NDUFA12: variants seen among roughly 807,000 people sequenced by gnomAD.
NDUFA12 encodes the protein NADH:ubiquinone oxidoreductase subunit A12.
NDUFA12 carries 17 observed loss-of-function variants against 20.3 expected under a neutral mutation model. That is an observed-to-expected ratio of 0.84 (90% CI 0.57 to 1.26). The LOEUF (loss-of-function observed/expected upper bound fraction) is 1.26, where lower values mean the gene tolerates loss of function less well. Among genes scored for constraint, NDUFA12 ranks in the 50% most tolerant of loss-of-function variants. The probability of loss-of-function intolerance (pLI) is 0.00; values close to 1 mark genes in which losing one functional copy is unlikely to be tolerated. For synonymous variants in NDUFA12, 72 were observed against 63.6 expected (o/e 1.13, Z -0.63); for missense variants, 191 against 183.7 (o/e 1.04, Z -0.23).
chr12:94,996,147 G>A (rs564979614), intron 2 of NDUFA12, among the ~76,000 whole-genome samples: 24 of 151,924 alleles, frequency 1.6e-4, no homozygotes, highest in African/African-American at 5.5e-4. Context: ...GGCAGAGGTT[G>A]CAGTGAGCCG....
At chr12:94,997,802 A>G (rs947733382) in intron 2 of NDUFA12, among the ~76,000 whole-genome samples, 1 of 136,196 alleles carries the variant, frequency 7.3e-6, no homozygotes, top group Non-Finnish European at 1.7e-5. Context: ...GGTAAGGGAT[A>G]CTCAAACTGT....
chr12:94,975,205 A>G lies in NDUFA12; in HGVS notation c.258-3585T>C, dbSNP rs146999316. The stretch of plus-strand genomic sequence containing the variant: ...GTGTATGTCCTAAAACACTATAAAC[A>G]GGATTAAAGACTAAAAGAAACAGGG... On this transcript the variant is annotated intron_variant, in intron 3 of 3. Transcript: ENST00000327772. Among the ~76,000 whole-genome samples, 785 of 152,318 alleles carry G rather than the reference A, an allele frequency of 5.2e-3. 5 individuals are homozygous for G. The highest frequency in any genetic ancestry group is 0.017 in the African/African-American group (704 of 41,570).
chr12:94,995,716 TAGA>T (rs745823030), intron 2 of NDUFA12, among the ~76,000 whole-genome samples: 4 of 151,958 alleles, frequency 2.6e-5, no homozygotes, highest in African/African-American at 7.3e-5. Flanking sequence ...GTATTTTTAG[TAGA>T]GATCAGGCCA....
At chr12:94,972,782 A>C (rs11107829) in intron 3 of NDUFA12, among the ~76,000 whole-genome samples, 12,198 of 152,258 alleles carry the variant, frequency 0.08, 561 homozygotes, top group East Asian at 0.16. Flanking sequence ...TCCAGAAATC[A>C]GACCTAAAAG....
intron 2 of NDUFA12, among the ~76,000 whole-genome samples, chr12:94,994,625 C>A (rs538892201): frequency 1.1e-4 from 16 of 152,284 alleles, no homozygotes; most frequent in Admixed American, 3.3e-4. Context: ...CCTCTTGAGA[C>A]TGGGGAAAAA....
chr12:94,989,431 C>T (rs1362760964), intron 3 of NDUFA12, among the ~76,000 whole-genome samples: 2 of 152,140 alleles, frequency 1.3e-5, no homozygotes, highest in Non-Finnish European at 2.9e-5. Flanking sequence ...TATATCAACC[C>T]AACATCAAAT....
At chr12:94,994,399 G>A in intron 2 of NDUFA12, 142 bp from the exon 3 acceptor site, 1 of 646,280 alleles carries the variant, frequency 1.5e-6, no homozygotes, top group Non-Finnish European at 2.6e-6. Context: ...ATAACACCCT[G>A]GGTGAATTCG....
intron 2 of NDUFA12, among the ~76,000 whole-genome samples, chr12:94,996,156 C>A (rs1489882615): frequency 6.6e-6 from 1 of 151,018 alleles, no homozygotes; most frequent in South Asian, 2.1e-4. Context: ...TGCAGTGAGC[C>A]GAGATCACAC....
chr12:94,985,156 T>C (rs547654327), intron 3 of NDUFA12, among the ~76,000 whole-genome samples: 3 of 151,872 alleles, frequency 2.0e-5, no homozygotes, highest in African/African-American at 4.8e-5. Context: ...GACTGTGTTT[T>C]TATAAAAAAA....
At chr12:94,993,436 C>A (rs1874710679) in intron 3 of NDUFA12, among the ~76,000 whole-genome samples, 1 of 150,116 alleles carries the variant, frequency 6.7e-6, no homozygotes, top group Non-Finnish European at 1.5e-5. Flanking sequence ...ACCAGCCTGG[C>A]CAAAACGGTG....
chr12:94,982,777 T>G (rs1251030619), intron 3 of NDUFA12, among the ~76,000 whole-genome samples: 4 of 152,114 alleles, frequency 2.6e-5, no homozygotes, highest in Non-Finnish European at 5.9e-5. Context: ...CACCAGGCAT[T>G]TCTAATTCCT....
chr12:94,996,173 A>G (rs1874823570), intron 2 of NDUFA12, among the ~76,000 whole-genome samples: 1 of 152,078 alleles, frequency 6.6e-6, no homozygotes, highest in South Asian at 2.1e-4. Flanking sequence ...ACACCACTGC[A>G]TTTCAGGTGG....
At chr12:94,994,076 A>G (rs1874738712) in intron 3 of NDUFA12, 94 bp downstream of exon 3, 2 of 1,102,302 alleles carry the variant, frequency 1.8e-6, no homozygotes, top group African/African-American at 1.5e-5. Flanking sequence ...ATGAGTCATG[A>G]TCATGTCACT....
intron 3 of NDUFA12, among the ~76,000 whole-genome samples, chr12:94,978,917 G>A (rs1481333504): frequency 1.3e-5 from 2 of 152,158 alleles, no homozygotes; most frequent in African/African-American, 4.8e-5. Flanking sequence ...TATTTAGTGA[G>A]ACAGGAAAAA....
intron 3 of NDUFA12, among the ~76,000 whole-genome samples, chr12:94,993,396 G>A (rs187486701): frequency 2.4e-4 from 36 of 148,600 alleles, no homozygotes; most frequent in Middle Eastern, 3.7e-3. Context: ...AGGCCGAGGC[G>A]GGTGGATCAC....
chr12:94,993,029 A>G (rs1281636783), intron 3 of NDUFA12, among the ~76,000 whole-genome samples: 1 of 152,220 alleles, frequency 6.6e-6, no homozygotes, highest in African/African-American at 2.4e-5. Flanking sequence ...TATTCAATAA[A>G]TATTTTTGTA....
chr12:94,983,141 C>A (rs1874298056), intron 3 of NDUFA12, among the ~76,000 whole-genome samples: 1 of 152,056 alleles, frequency 6.6e-6, no homozygotes, highest in Middle Eastern at 3.2e-3. Flanking sequence ...GTAGTTCAGG[C>A]CAAAAATATT....
At chr12:94,994,764 CA>C (rs1874761692) in intron 2 of NDUFA12, among the ~76,000 whole-genome samples, 1 of 152,144 alleles carries the variant, frequency 6.6e-6, no homozygotes. Flanking sequence ...TGGTTAGGTA[CA>C]TAGGACAGCT....
At chr12:94,990,278 A>C (rs1348684856) in intron 3 of NDUFA12, among the ~76,000 whole-genome samples, 1 of 151,642 alleles carries the variant, frequency 6.6e-6, no homozygotes, top group Non-Finnish European at 1.5e-5. Flanking sequence ...GTGGAAAAAA[A>C]AAAAACAAAA....
Sources: gnomAD v4.1 joint callset for allele counts (sites outside exome capture counted in the v4.1 genomes callset) on GRCh38, gnomAD v4.1.1 for gene constraint, MANE v1.5 for transcripts, NCBI Gene and HGNC (gene_info 2026-07-23, HGNC 2026-07-21) for gene names.